The following CACNA1A variants were observed in gnomAD, a reference collection of about 807,000 sequenced individuals.
CACNA1A encodes voltage-dependent P/Q-type calcium channel subunit alpha-1A.
CACNA1A carries 57 observed loss-of-function variants against 262.4 expected under a neutral mutation model. That is an observed-to-expected ratio of 0.22 (90% CI 0.18 to 0.27). The LOEUF is 0.27. CACNA1A is among the 10% of genes least tolerant of loss of function. The probability of loss-of-function intolerance (pLI) is 1.00; values close to 1 mark genes in which losing one functional copy is unlikely to be tolerated. For synonymous variants in CACNA1A, 1,431 were observed against 1,419.3 expected (o/e 1.01, Z -0.18); for missense variants, 2,526 against 3,562.8 (o/e 0.71, Z 7.41).
chr19:13,500,254 C>A (rs1211803626), intron 1 of CACNA1A, among the ~76,000 whole-genome samples: 1 of 152,150 alleles, frequency 6.6e-6, no homozygotes, highest in Non-Finnish European at 1.5e-5. Context: ...GTTTATAGGA[C>A]GCCTGCTTTG....
Position 13,214,192 on chromosome 19 carries a change from T to C in CACNA1A, c.5940+41A>G, listed in dbSNP as rs1426969039. 1.3e-6 allele frequency: 2 copies of C among 1,522,122 alleles called. No individual in the cohort carries two copies. Among genetic ancestry groups the C allele is most frequent in the Admixed American group, 1.8e-5 (1 of 55,390 alleles). 94.3% of individuals were successfully genotyped at this position (1,522,122 alleles called of 1,614,324 possible). On this transcript the variant is annotated intron_variant, in intron 40 of 46. Coordinates refer to ENST00000360228, the MANE Select transcript of CACNA1A (RefSeq NM_001127222.2). The surrounding 1 kb of genome is among the most constrained non-coding windows in gnomAD (Gnocchi z 4.1). Reference sequence around the variant, plus strand: ...GTTCCCGTGGTGACATGCAAGCCACTGTCCCCAGCCCAGATGTCCCCAGAG... The same window carrying C: ...GTTCCCGTGGTGACATGCAAGCCACCGTCCCCAGCCCAGATGTCCCCAGAG...
At chr19:13,470,846 C>A (rs1249591772) in intron 1 of CACNA1A, among the ~76,000 whole-genome samples, 5 of 152,208 alleles carry the variant, frequency 3.3e-5, no homozygotes, top group Non-Finnish European at 5.9e-5. Flanking sequence ...AATAGCTATA[C>A]CACTCTGTGT....
At chr19:13,318,888 A>ATTTTTTTTTTT (rs1600317762) in intron 10 of CACNA1A, among the ~76,000 whole-genome samples, 3 of 94,684 alleles carry the variant, frequency 3.2e-5, no homozygotes, top group African/African-American at 1.5e-4. Flanking sequence ...TCTAAAATAC[A>ATTTTTTTTTTT]TCTTTTTTTT....
At position 13,286,509 on chromosome 19, in the gene CACNA1A, C is replaced by G; in HGVS notation, c.3547G>C (p.Val1183Leu). 2.1e-6 allele frequency: 3 copies of G among 1,429,826 alleles called. No individual in the cohort carries two copies. The highest frequency in any genetic ancestry group is 2.8e-6 in the Non-Finnish European group (3 of 1,057,806). The allele number at this position is 1,429,826 out of a possible 1,614,324, so 88.6% of individuals were successfully genotyped here. A position where few individuals can be genotyped will look rare whatever the true frequency, so the allele number is the denominator to read the frequency against. The change falls in exon 20 of 47, where the codon GTA becomes CTA. Residue 1183 changes from valine (V) to leucine (L), a missense_variant. Val to Leu is a conservative substitution (Grantham distance 32). Coordinates refer to ENST00000360228, the MANE Select transcript of CACNA1A (RefSeq NM_001127222.2). ...TGAGAGCAGAGGGTCTCACCTTGTACGACGGTGTGGTTGAGGGGGGGTGGG... is the reference window on the plus strand; with the variant it reads ...TGAGAGCAGAGGGTCTCACCTTGTAGGACGGTGTGGTTGAGGGGGGGTGGG... ...ACPPPLNHTV[V>L]QVNKNANPDP...
intron 12 of CACNA1A, among the ~76,000 whole-genome samples, chr19:13,311,244 C>T (rs2058028349): frequency 1.3e-5 from 2 of 152,110 alleles, no homozygotes; most frequent in South Asian, 2.1e-4. Context: ...TGTGCACCAC[C>T]ACACCTGGCT....
intron 18 of CACNA1A, among the ~76,000 whole-genome samples, chr19:13,300,082 C>T (rs911152268): frequency 1.3e-5 from 2 of 152,176 alleles, no homozygotes; most frequent in African/African-American, 2.4e-5. Context: ...AGCCCCGTTC[C>T]TAATAGGCCT....
chr19:13,406,640 C>A (rs900408737), intron 3 of CACNA1A, among the ~76,000 whole-genome samples: 3 of 150,316 alleles, frequency 2.0e-5, no homozygotes, highest in African/African-American at 7.3e-5. Context: ...GGTGAGAATT[C>A]TCTGTACCCA....
At chr19:13,476,578 T>C (rs1978564340) in intron 1 of CACNA1A, among the ~76,000 whole-genome samples, 1 of 152,122 alleles carries the variant, frequency 6.6e-6, no homozygotes, top group Non-Finnish European at 1.5e-5. Context: ...AAGTAACTAC[T>C]AATGGGTGCA....
intron 30 of CACNA1A, among the ~76,000 whole-genome samples, chr19:13,248,506 C>T (rs2056311422): frequency 6.6e-6 from 1 of 151,290 alleles, no homozygotes; most frequent in Admixed American, 6.6e-5. Flanking sequence ...GCTCCAGGCC[C>T]CAGTGGAAGA....
chr19:13,399,005 C>G (rs2059854684), intron 3 of CACNA1A, among the ~76,000 whole-genome samples: 1 of 152,078 alleles, frequency 6.6e-6, no homozygotes, highest in Non-Finnish European at 1.5e-5. Context: ...TCCTGCGATC[C>G]CAGGAGGGCT....
chr19:13,346,910 G>A (rs1000631323), intron 6 of CACNA1A, among the ~76,000 whole-genome samples: 13 of 150,152 alleles, frequency 8.7e-5, no homozygotes, highest in Non-Finnish European at 1.9e-4. Context: ...GCACTCCTGA[G>A]CTCAGGCAAT....
intron 15 of CACNA1A, among the ~76,000 whole-genome samples, chr19:13,305,826 C>A (rs949410126): frequency 1.1e-4 from 16 of 152,138 alleles, no homozygotes; most frequent in African/African-American, 3.6e-4. Flanking sequence ...CTTTGGGAGG[C>A]CGAGGCAGGC....
chr19:13,333,469 C>CAACA (rs1358089885), intron 8 of CACNA1A, among the ~76,000 whole-genome samples: 1 of 151,436 alleles, frequency 6.6e-6, no homozygotes, highest in Non-Finnish European at 1.5e-5. Flanking sequence ...GAGTCTCACT[C>CAACA]TGTTGCCCAG....
chr19:13,348,770 A>C (rs1420178288), intron 6 of CACNA1A, among the ~76,000 whole-genome samples: 1 of 152,178 alleles, frequency 6.6e-6, no homozygotes, highest in Non-Finnish European at 1.5e-5. Context: ...TGGGAGTCAG[A>C]GGCTGCAGTG....
chr19:13,502,083 CAA>C (rs1187245103), intron 1 of CACNA1A, among the ~76,000 whole-genome samples: 1 of 150,738 alleles, frequency 6.6e-6, no homozygotes. Flanking sequence ...CAGGACAGGC[CAA>C]GAGTCTGATA....
At chr19:13,238,120 T>C (rs1239216459) in intron 31 of CACNA1A, among the ~76,000 whole-genome samples, 3 of 151,806 alleles carry the variant, frequency 2.0e-5, no homozygotes, top group Non-Finnish European at 4.4e-5. Context: ...GGGGGAAGGG[T>C]ACTAGTCTGC....
chr19:13,275,463 C>T lies in CACNA1A; in HGVS notation c.3989+387G>A, dbSNP rs2057123104. ...GGGAGGGGGTCAGAATTCTCATGCA[C>T]ATTCGTTTCCTGATTGTCTCTTTAG... On this transcript the variant is annotated intron_variant, in intron 24 of 46. Transcript: ENST00000360228. The T allele has an allele frequency of 1.3e-5, 3 of 233,872 alleles. 1 individual carries two copies. The highest frequency in any genetic ancestry group is 1.2e-4 in the South Asian group (2 of 16,078). The allele number at this position is 233,872 out of a possible 1,614,324, so 14.5% of individuals were successfully genotyped here.
intron 19 of CACNA1A, among the ~76,000 whole-genome samples, chr19:13,298,287 T>C (rs1306128507): frequency 6.6e-6 from 1 of 151,494 alleles, no homozygotes; most frequent in Non-Finnish European, 1.5e-5. Flanking sequence ...CCTGCCACCG[T>C]GCCCGGCTAA....
At chr19:13,339,011 G>A (rs1300083479) in intron 6 of CACNA1A, among the ~76,000 whole-genome samples, 4 of 152,006 alleles carry the variant, frequency 2.6e-5, no homozygotes, top group Admixed American at 6.6e-5. Flanking sequence ...GATTACAGGC[G>A]CCCGCCACCA....
Sources: allele counts gnomAD v4.1 joint callset (sites outside exome capture counted in the v4.1 genomes callset), GRCh38; gene constraint gnomAD v4.1.1; non-coding constraint Gnocchi (gnomAD v3.1); transcripts MANE v1.5; gene names NCBI Gene and HGNC (gene_info 2026-07-23, HGNC 2026-07-21).